Variants in TRIM14 observed in about 807,000 individuals in gnomAD.
TRIM14 encodes the protein tripartite motif containing 14, also known as tripartite motif-containing protein 14.
A neutral mutation model predicts 44.5 loss-of-function variants in TRIM14; 28 were observed. That is an observed-to-expected ratio of 0.63 (90% CI 0.47 to 0.86). The LOEUF (loss-of-function observed/expected upper bound fraction) is 0.86, where lower values mean the gene tolerates loss of function less well. Among genes scored for constraint, TRIM14 ranks in the 40% least tolerant of loss-of-function variants. The pLI is 0.00. For synonymous variants in TRIM14, 299 were observed against 269.2 expected (o/e 1.11, Z -1.08); for missense variants, 607 against 611.1 (o/e 0.99, Z 0.07).
Position 98,118,909 on chromosome 9 carries a change from C to G in TRIM14, c.207+73G>C, listed in dbSNP as rs1827146501. 8.6e-6 allele frequency: 12 copies of G among 1,401,296 alleles called. No homozygotes were observed. The South Asian group carries it at 1.8e-4, about 21-fold the overall frequency. The allele number at this position is 1,401,296 out of a possible 1,614,324, so 86.8% of individuals were successfully genotyped here. On this transcript the variant is annotated intron_variant, in intron 1 of 5. Coordinates refer to ENST00000341469, the MANE Select transcript of TRIM14 (RefSeq NM_014788.4). ...GCCACTGGCCACGGCCAGGCACGCC[C>G]CCTCCTCGGCCGTTATGCCTGGGCT...
intron 5 of TRIM14, among the ~76,000 whole-genome samples, chr9:98,089,280 G>T (rs1020182491): frequency 6.6e-6 from 1 of 151,994 alleles, no homozygotes; most frequent in Non-Finnish European, 1.5e-5. Context: ...GGGTTCAAGC[G>T]ATTCTCCTAC....
intron 4 of TRIM14, chr9:98,092,454 G>C: frequency 2.8e-6 from 1 of 362,884 alleles, no homozygotes; most frequent in Non-Finnish European, 5.6e-6. Context: ...CCCTTGCCCA[G>C]GTTGCCTCCT....
chr9:98,046,851 CT>C, the TRIM14 span, among the ~76,000 whole-genome samples: 3,703 of 151,896 alleles, frequency 0.024, 76 homozygotes, highest in Non-Finnish European at 0.038. Flanking sequence ...CTGCCTTGTA[CT>C]CTTTGCTGAC....
At chr9:98,083,343 A>G (rs1484856870), downstream of TRIM14, among the ~76,000 whole-genome samples, 1 of 152,208 alleles carries the variant, frequency 6.6e-6, no homozygotes, top group South Asian at 2.1e-4. Context: ...CAAAGTCCAT[A>G]TCCTCCAGTT....
downstream of TRIM14, among the ~76,000 whole-genome samples, chr9:98,079,875 TG>T (rs1218825580): frequency 6.6e-6 from 1 of 152,220 alleles, no homozygotes; most frequent in East Asian, 1.9e-4. Flanking sequence ...CCCTTAAGCC[TG>T]GTTTTCAAGG....
the TRIM14 span, chr9:98,060,750 G>A: frequency 6.9e-6 from 11 of 1,604,178 alleles, no homozygotes; most frequent in East Asian, 2.2e-4. Flanking sequence ...ATCTACGACA[G>A]TCACTGAAAG....
At chr9:98,063,030 A>G in the TRIM14 span, among the ~76,000 whole-genome samples, 2 of 151,618 alleles carry the variant, frequency 1.3e-5, no homozygotes, top group Non-Finnish European at 2.9e-5. Flanking sequence ...CCCGCCTCCC[A>G]GGTTGAAGCG....
At chr9:98,054,070 C>G in the TRIM14 span, among the ~76,000 whole-genome samples, 1 of 152,122 alleles carries the variant, frequency 6.6e-6, no homozygotes, top group South Asian at 2.1e-4. Flanking sequence ...GGAGGGATGG[C>G]ATCAATGAGT....
downstream of TRIM14, chr9:98,082,208 C>T (rs1829897225): frequency 1.3e-5 from 2 of 152,246 alleles, no homozygotes; most frequent in Admixed American, 6.5e-5. Context: ...CCTTTTCTTG[C>T]CATCTGCATA....
In TRIM14 at chr9:98,085,168, A is replaced by G. The variant is rs768938326; in HGVS notation, c.*2302T>C. ...CCAAAGGTAGACTCAAGTCTCGCAG[A>G]GTAACCAGGCACTAGGAAAGCATCA... On this transcript the variant is annotated 3_prime_UTR_variant, in exon 6 of 6. Coordinates refer to ENST00000341469, the MANE Select transcript of TRIM14 (RefSeq NM_014788.4). 9 of 152,352 alleles carry G rather than the reference A, an allele frequency of 5.9e-5. No individual in the cohort carries two copies. The highest frequency in any genetic ancestry group is 1.2e-4 in the Non-Finnish European group (8 of 68,122). The allele number at this position is 152,352 out of a possible 1,614,324, so 9.4% of individuals were successfully genotyped here.
chr9:98,042,747 G>A, the TRIM14 span, among the ~76,000 whole-genome samples: 1 of 151,928 alleles, frequency 6.6e-6, no homozygotes, highest in Non-Finnish European at 1.5e-5. Context: ...GTGCGCACCT[G>A]TAGTACCAGC....
Position 98,094,908 on chromosome 9 carries a change from T to A in TRIM14, c.659A>T (p.Glu220Val), listed in dbSNP as rs754120583. The A allele has an allele frequency of 3.1e-6, 5 of 1,614,196 alleles. No individual in the cohort carries two copies. The highest frequency in any genetic ancestry group is 4.2e-6 in the Non-Finnish European group (5 of 1,180,028). ...GTCCAATGGCGTCTGTAATGTACTC[T>A]CCACGGCTTCCACGAGGCCCTTAAA... ...SFFKGLVEAVESTLQTPLDIR... is the reference protein window; with the variant it reads ...SFFKGLVEAVVSTLQTPLDIR... Residue 220 changes from glutamate (E) to valine (V), a missense_variant, in exon 4 of 6, where the codon GAG becomes GTG. Glu to Val is a moderately radical substitution (Grantham distance 121, BLOSUM62 -2). This residue lies in a region of TRIM14 where 356 missense variants were observed against 323.0 expected (regional missense o/e 1.10). Transcript: ENST00000341469.
At chr9:98,044,530 T>C in the TRIM14 span, among the ~76,000 whole-genome samples, 3 of 151,858 alleles carry the variant, frequency 2.0e-5, no homozygotes, top group Admixed American at 6.6e-5. Flanking sequence ...CGCGCCACCA[T>C]GCCCAGCTAA....
At chr9:98,107,579 G>GC (rs768069245) in intron 2 of TRIM14, among the ~76,000 whole-genome samples, 2 of 152,282 alleles carry the variant, frequency 1.3e-5, no homozygotes, top group African/African-American at 2.4e-5. Context: ...ATTTTCAAAT[G>GC]CAACAATTAT....
At chr9:98,088,972 G>A (rs1274364127) in intron 5 of TRIM14, among the ~76,000 whole-genome samples, 1 of 151,924 alleles carries the variant, frequency 6.6e-6, no homozygotes, top group South Asian at 2.1e-4. Flanking sequence ...TGGATATTCA[G>A]CTTTCATAAA....
intron 1 of TRIM14, among the ~76,000 whole-genome samples, chr9:98,112,797 C>CAAA (rs34150823): frequency 5.9e-5 from 4 of 68,364 alleles, no homozygotes; most frequent in South Asian, 5.4e-4. Flanking sequence ...GACTCAATCT[C>CAAA]AAAAAAAAAA....
chr9:98,092,732 T>C (rs1826043604), intron 4 of TRIM14, among the ~76,000 whole-genome samples: 2 of 152,258 alleles, frequency 1.3e-5, no homozygotes, highest in Admixed American at 1.3e-4. Context: ...GCCAATCAGA[T>C]GTAGCCAACT....
At chr9:98,088,156 G>C in intron 5 of TRIM14, 151 bp from the exon 6 acceptor site, 1 of 839,998 alleles carries the variant, frequency 1.2e-6, no homozygotes, top group Non-Finnish European at 1.7e-6. Flanking sequence ...AACCGCGACT[G>C]CCCCTGGGGC....
chr9:98,078,783 C>T (rs944007323), intron 6 of TRIM14, among the ~76,000 whole-genome samples: 52 of 143,932 alleles, frequency 3.6e-4, no homozygotes, highest in African/African-American at 1.2e-3. Flanking sequence ...TGCAGTGAGC[C>T]GAGATTGCAC....
Sources: allele counts gnomAD v4.1 joint callset (sites outside exome capture counted in the v4.1 genomes callset), GRCh38; gene constraint gnomAD v4.1.1; regional missense constraint gnomAD v4.1.1; transcripts MANE v1.5; gene names NCBI Gene and HGNC (gene_info 2026-07-23, HGNC 2026-07-21).